SVOP: variants seen among roughly 807,000 people sequenced by gnomAD.
SVOP encodes synaptic vesicle 2-related protein.
Under a neutral mutation model 69.1 loss-of-function variants are expected in SVOP, and 17 were observed. The observed-to-expected ratio is 0.25, with a 90% CI of 0.17 to 0.37. The LOEUF (loss-of-function observed/expected upper bound fraction) is 0.37. Among genes scored for constraint, SVOP ranks in the 10% least tolerant of loss-of-function variants. The pLI, the probability that SVOP is intolerant of heterozygous loss-of-function variation, is 1.00. For missense variants in SVOP, 435 were observed against 597.5 expected (o/e 0.73, Z 2.84); for synonymous variants, 238 against 238.6 (o/e 1.00, Z 0.02).
Position 108,922,822 on chromosome 12 carries a change from G to A in SVOP, c.1049-25C>T, listed in dbSNP as rs189843022. The A allele has an allele frequency of 6.4e-4, 981 of 1,521,778 alleles. 11 individuals are homozygous for A. In the African/African-American group the frequency reaches 0.01, roughly 16 times the overall value. 94.3% of individuals were successfully genotyped at this position (1,521,778 alleles called of 1,614,324 possible). On this transcript the variant is annotated intron_variant, in intron 11 of 15. Coordinates refer to ENST00000610966, the MANE Select transcript of SVOP (RefSeq NM_018711.5). ...ACTGGGGTTGGGAGAGAGAAAGAGA[G>A]GGGGAGACATATACAGAGTCTTGAA...
intron 1 of SVOP, among the ~76,000 whole-genome samples, chr12:109,003,887 C>T (rs539073975): frequency 2.6e-5 from 4 of 152,236 alleles, no homozygotes; most frequent in Admixed American, 2.0e-4. Flanking sequence ...GGATTACAGG[C>T]GTGAGCCACA....
intron 11 of SVOP, among the ~76,000 whole-genome samples, chr12:108,924,383 A>G (rs1291901997): frequency 6.6e-6 from 1 of 152,044 alleles, no homozygotes; most frequent in Non-Finnish European, 1.5e-5. Flanking sequence ...GTGTCCCCCA[A>G]AGTTGCTCCA....
At position 108,912,426 on chromosome 12, in the gene SVOP, C is replaced by T. The variant is rs1384663554; in HGVS notation, c.*109G>A. ...CAAAACCCTGTTGGTCCAGGTCATACTCTTGGGTGAGTTCTTGATGTCGGC... is the reference window on the plus strand; with the variant it reads ...CAAAACCCTGTTGGTCCAGGTCATATTCTTGGGTGAGTTCTTGATGTCGGC... On this transcript the variant is annotated 3_prime_UTR_variant, in exon 16 of 16. Coordinates refer to ENST00000610966, the MANE Select transcript of SVOP (RefSeq NM_018711.5). 11 of 1,561,476 alleles carry T rather than the reference C, an allele frequency of 7.0e-6. No individual in the cohort carries two copies. In the South Asian group the frequency reaches 1.3e-4, roughly 19 times the overall value.
At chr12:108,981,992 T>C (rs2040137942) in intron 2 of SVOP, among the ~76,000 whole-genome samples, 2 of 150,440 alleles carry the variant, frequency 1.3e-5, no homozygotes, top group Admixed American at 6.6e-5. Context: ...ATCTTCATCA[T>C]CACCACCATC....
intron 1 of SVOP, among the ~76,000 whole-genome samples, chr12:109,013,392 C>CTTT (rs535785073): frequency 6.9e-6 from 1 of 144,264 alleles, no homozygotes; most frequent in African/African-American, 2.5e-5. Context: ...CCGTCTTAAC[C>CTTT]TTTTTTTTTT....
intron 6 of SVOP, among the ~76,000 whole-genome samples, chr12:108,945,402 GTATT>G (rs1037629575): frequency 4.6e-5 from 7 of 151,890 alleles, no homozygotes; most frequent in Admixed American, 6.6e-5. Context: ...TTATTTTATT[GTATT>G]TATTTATTTA....
rs532968512 is a variant in SVOP at position 109,012,204 on chromosome 12, G to A, written c.35+8630C>T. ...AGGCTGAGGCAGGAGAATCGCTTGA[G>A]CCTGAGAGGTGGAGGTTGCAGTGAG... On this transcript the variant is annotated intron_variant, in intron 1 of 15. Coordinates refer to ENST00000610966, the MANE Select transcript of SVOP (RefSeq NM_018711.5). 4.6e-5 allele frequency among the ~76,000 whole-genome samples: 7 copies of A among 152,004 alleles called. No homozygotes were observed. The South Asian group carries it at 1.0e-3, about 23-fold the overall frequency.
chr12:108,924,430 C>A (rs1357897309), intron 11 of SVOP, among the ~76,000 whole-genome samples: 2 of 152,190 alleles, frequency 1.3e-5, no homozygotes, highest in East Asian at 3.8e-4. Context: ...GCATCTCCAT[C>A]CTTCCAGTTG....
chr12:108,956,335 T>C (rs1393253252), intron 6 of SVOP, among the ~76,000 whole-genome samples: 1 of 151,130 alleles, frequency 6.6e-6, no homozygotes, highest in Non-Finnish European at 1.5e-5. Flanking sequence ...ATTACCCTTC[T>C]AGGCTGTCTC....
At chr12:108,966,356 G>A (rs1156229870) in intron 5 of SVOP, among the ~76,000 whole-genome samples, 3 of 152,182 alleles carry the variant, frequency 2.0e-5, no homozygotes, top group African/African-American at 4.8e-5. Flanking sequence ...TTTCCTTCAC[G>A]TTTCCATGGC....
chr12:108,955,128 G>T (rs988986659), intron 6 of SVOP, among the ~76,000 whole-genome samples: 4 of 152,208 alleles, frequency 2.6e-5, no homozygotes, highest in African/African-American at 4.8e-5. Context: ...TCTTGAACAA[G>T]AATTTCTGTG....
chr12:108,943,574 G>T (rs1309119213), intron 7 of SVOP, among the ~76,000 whole-genome samples: 2 of 147,890 alleles, frequency 1.4e-5, no homozygotes, highest in African/African-American at 5.0e-5. Context: ...CTCCAGCCTG[G>T]GCAACAGAGA....
chr12:108,973,752 T>C (rs142238242), intron 4 of SVOP, among the ~76,000 whole-genome samples: 103,105 of 151,788 alleles, frequency 0.68, 35,439 homozygotes, highest in East Asian at 0.79. Flanking sequence ...TCCCTACAGA[T>C]TCTTTCTCAA....
In SVOP at chr12:108,908,313, A is replaced by G. The variant is rs2039660306; in HGVS notation, c.*4222T>C. ...TGACACCAGGCTGTACTTTATTCCT[A>G]TGCAATCTCTCTAAACTGTCAGAGT... On this transcript the variant is annotated 3_prime_UTR_variant, in exon 16 of 16. Coordinates refer to ENST00000610966, the MANE Select transcript of SVOP (RefSeq NM_018711.5). 6.6e-6 allele frequency: 1 copy of G among 152,280 alleles called. No homozygotes were observed. The highest frequency in any genetic ancestry group is 1.5e-5 in the Non-Finnish European group (1 of 68,048). 9.4% of individuals were successfully genotyped at this position (152,280 alleles called of 1,614,324 possible). A position where few individuals can be genotyped will look rare whatever the true frequency, so the allele number is the denominator to read the frequency against.
At chr12:108,921,815 A>C (rs2039749804) in intron 12 of SVOP, among the ~76,000 whole-genome samples, 1 of 152,152 alleles carries the variant, frequency 6.6e-6, no homozygotes. Context: ...TCTGAGCCTC[A>C]GTTTCTTCAG....
At chr12:108,993,880 G>T (rs754840707) in intron 1 of SVOP, among the ~76,000 whole-genome samples, 2 of 152,160 alleles carry the variant, frequency 1.3e-5, no homozygotes, top group Non-Finnish European at 2.9e-5. Context: ...GAACGTTTGC[G>T]TGCATTCTCA....
At chr12:108,983,482 C>T (rs1204387167) in intron 2 of SVOP, 119 bp downstream of exon 2, 6 of 398,064 alleles carry the variant, frequency 1.5e-5, no homozygotes, top group Non-Finnish European at 2.2e-5. Flanking sequence ...TCCAGCTCCA[C>T]CCCTTGGCCC....
rs77657327 is a variant in SVOP, at chr12:108,909,476, C to T, written c.*3059G>A. On this transcript the variant is annotated 3_prime_UTR_variant, in exon 16 of 16. Coordinates refer to ENST00000610966, the MANE Select transcript of SVOP (RefSeq NM_018711.5). ...GTTGCAGTGAGCTGAGACTTCATCT[C>T]AAAAAAAAAAAAAAAGTAATTGCAG... is the stretch of plus-strand genomic sequence containing the variant. 1 of 116,216 alleles carries T rather than the reference C, an allele frequency of 8.6e-6. No homozygotes were observed. Among genetic ancestry groups the T allele is most frequent in the African/African-American group, 2.8e-5 (1 of 35,678 alleles). 7.2% of individuals were successfully genotyped at this position (116,216 alleles called of 1,614,324 possible). A position where few individuals can be genotyped will look rare whatever the true frequency, so the allele number is the denominator to read the frequency against.
rs1243403019 is a variant in SVOP at position 108,911,948 on chromosome 12, G to A, written c.*587C>T. 3 of 155,796 alleles carry A rather than the reference G, an allele frequency of 1.9e-5. No homozygotes were observed. The Admixed American group carries it at 1.9e-4, about 10-fold the overall frequency. 9.7% of individuals were successfully genotyped at this position (155,796 alleles called of 1,614,324 possible). The stretch of plus-strand genomic sequence containing the variant: ...TCCAGAGGGGGCTGGGTGGGGGCAT[G>A]TGGCTCCAGTTTGAATGCACCATGT... On this transcript the variant is annotated 3_prime_UTR_variant, in exon 16 of 16. Coordinates refer to ENST00000610966, the MANE Select transcript of SVOP (RefSeq NM_018711.5).
Sources: gnomAD v4.1 joint callset for allele counts (sites outside exome capture counted in the v4.1 genomes callset) on GRCh38, gnomAD v4.1.1 for gene constraint, MANE v1.5 for transcripts, NCBI Gene and HGNC (gene_info 2026-07-23, HGNC 2026-07-21) for gene names.